Variants in CXADR observed in about 807,000 individuals in gnomAD.
CXADR encodes coxsackievirus and adenovirus receptor.
A neutral mutation model predicts 40.3 loss-of-function variants in CXADR; 20 were observed. That is an observed-to-expected ratio of 0.50 (90% confidence interval 0.35 to 0.72). The LOEUF (loss-of-function observed/expected upper bound fraction) is 0.72. Among genes scored for constraint, CXADR ranks in the 30% least tolerant of loss-of-function variants. CXADR has a pLI of 0.01. For missense variants in CXADR, 332 were observed against 449.1 expected, an observed-to-expected ratio of 0.74 and a Z score of 2.36; for synonymous variants, 150 against 161.3, an observed-to-expected ratio of 0.93 and a Z score of 0.53.
intron 1 of CXADR, among the ~76,000 whole-genome samples, chr21:17,520,016 T>C (rs578041512): frequency 1.4e-4 from 22 of 151,972 alleles, no homozygotes; most frequent in African/African-American, 3.4e-4. Flanking sequence ...CACACACACA[T>C]ATATATATAA....
At chr21:17,608,186 C>G in the CXADR span, among the ~76,000 whole-genome samples, 1 of 152,194 alleles carries the variant, frequency 6.6e-6, no homozygotes, top group South Asian at 2.1e-4. Flanking sequence ...GGTAACACAG[C>G]AAGATCCCAT....
At chr21:17,578,138 A>T (rs2061334958) in intron 7 of CXADR, among the ~76,000 whole-genome samples, 1 of 152,136 alleles carries the variant, frequency 6.6e-6, no homozygotes, top group African/African-American at 2.4e-5. Flanking sequence ...AAATACCAAA[A>T]GATTGATAGG....
chr21:17,615,384 A>G, the CXADR span, among the ~76,000 whole-genome samples: 12 of 152,188 alleles, frequency 7.9e-5, no homozygotes, highest in African/African-American at 2.9e-4. Context: ...TGATGTAAAT[A>G]ATTACAGTAG....
chr21:17,524,427 T>C (rs576060875), intron 1 of CXADR, among the ~76,000 whole-genome samples: 14 of 151,208 alleles, frequency 9.3e-5, no homozygotes, highest in Admixed American at 2.6e-4. Context: ...CTGGGCGTGG[T>C]GGTGTGTGCC....
intron 1 of CXADR, among the ~76,000 whole-genome samples, chr21:17,534,021 T>TATATAGCTATATATATATATATACACAC (rs1319670502): frequency 7.8e-6 from 1 of 128,892 alleles, no homozygotes; most frequent in Non-Finnish European, 1.6e-5. Context: ...TATATATATA[T>TATATAGCTATATATATATATATACACAC]ATATATAGCT....
At chr21:17,558,153 G>T (rs1480925004) in intron 3 of CXADR, among the ~76,000 whole-genome samples, 2 of 151,304 alleles carry the variant, frequency 1.3e-5, no homozygotes, top group Non-Finnish European at 2.9e-5. Flanking sequence ...TTTGATTCAG[G>T]GTCTGGTTCT....
intron 2 of CXADR, among the ~76,000 whole-genome samples, chr21:17,550,028 T>A (rs2060945311): frequency 6.6e-6 from 1 of 152,148 alleles, no homozygotes; most frequent in South Asian, 2.1e-4. Context: ...CAAACTGGTA[T>A]TGAGCGCAAC....
In CXADR at chr21:17,560,698, A is replaced by G. The variant is rs2061105849; in HGVS notation, c.572-4A>G. 2 of 1,611,394 alleles carry G rather than the reference A, an allele frequency of 1.2e-6. No individual in the cohort carries two copies. Among genetic ancestry groups the G allele is most frequent in the South Asian group, 1.1e-5 (1 of 90,984 alleles). ...AGTTTGTTTTCTTTTTCCTCCTTCC[A>G]TAGAAATGACTTCATCTGTTATATC... On this transcript the variant is annotated splice_polypyrimidine_tract_variant and splice_region_variant and intron_variant, in intron 4 of 6. Coordinates refer to ENST00000284878, the MANE Select transcript of CXADR (RefSeq NM_001338.5).
intron 1 of CXADR, among the ~76,000 whole-genome samples, chr21:17,518,134 A>T (rs1487494493): frequency 6.6e-6 from 1 of 151,600 alleles, no homozygotes; most frequent in Admixed American, 6.6e-5. Context: ...AAAGTAACAA[A>T]TGTAAAGATT....
chr21:17,615,033 C>T, the CXADR span, among the ~76,000 whole-genome samples: 4 of 152,196 alleles, frequency 2.6e-5, no homozygotes, highest in Admixed American at 2.0e-4. Context: ...TTGTGTCCCT[C>T]GCAATATTCG....
chr21:17,573,799 C>T (rs531243736), downstream of CXADR, among the ~76,000 whole-genome samples: 12 of 152,218 alleles, frequency 7.9e-5, no homozygotes, highest in South Asian at 2.1e-4. Context: ...CCCAGTTACT[C>T]GGGAGGCTGA....
chr21:17,559,173 G>A (rs1279715465), intron 4 of CXADR, 42 bp downstream of exon 4: 7 of 1,602,338 alleles, frequency 4.4e-6, no homozygotes, highest in Non-Finnish European at 4.3e-6. Flanking sequence ...CCATTGATTT[G>A]GACTAAGATC....
At chr21:17,593,419 T>G (rs2061461252) in exon 8 of CXADR, 2 of 329,446 alleles carry the variant, frequency 6.1e-6, no homozygotes, top group Non-Finnish European at 1.1e-5. Flanking sequence ...GTGACACTGA[T>G]AGTTAAAAGA....
intron 1 of CXADR, among the ~76,000 whole-genome samples, chr21:17,535,201 C>T (rs914668200): frequency 1.4e-4 from 22 of 152,138 alleles, no homozygotes; most frequent in Admixed American, 2.6e-4. Context: ...AGTCATGGCT[C>T]GTTGCAGCCT....
In CXADR at chr21:17,564,194, C is replaced by T. The variant is rs568963757; in HGVS notation, c.834-1234C>T. Among the ~76,000 whole-genome samples the T allele has an allele frequency of 3.7e-4, 55 of 150,682 alleles. No individual in the cohort carries two copies. The South Asian group carries it at 0.011, about 31-fold the overall frequency. ...TACCAAAATCCAAGGATGCTCAAGT[C>T]CCTGATATAAAATGGCGGCCAGGCG... On this transcript the variant is annotated intron_variant, in intron 6 of 6. Transcript: ENST00000284878.
chr21:17,552,057 A>G, intron 3 of CXADR, 104 bp downstream of exon 3: 5 of 853,014 alleles, frequency 5.9e-6, no homozygotes, highest in Non-Finnish European at 9.1e-6. Context: ...ATTTTTTAGA[A>G]TAACAATTTT....
the CXADR span, among the ~76,000 whole-genome samples, chr21:17,610,004 T>G: frequency 2.6e-5 from 4 of 152,214 alleles, no homozygotes; most frequent in Non-Finnish European, 5.9e-5. Flanking sequence ...TTAAAACGAA[T>G]GAGTACTAAT....
chr21:17,538,958 G>A (rs1317489264), intron 1 of CXADR, among the ~76,000 whole-genome samples: 1 of 152,184 alleles, frequency 6.6e-6, no homozygotes, highest in African/African-American at 2.4e-5. Flanking sequence ...ATAGTGGCCT[G>A]GATATAGGTA....
At chr21:17,589,253 C>G (rs887958054) in intron 7 of CXADR, among the ~76,000 whole-genome samples, 11 of 151,948 alleles carry the variant, frequency 7.2e-5, no homozygotes, top group African/African-American at 2.4e-4. Context: ...AGTATGATTA[C>G]AAACATAAAA....
Sources: allele counts gnomAD v4.1 joint callset (sites outside exome capture counted in the v4.1 genomes callset), GRCh38; gene constraint gnomAD v4.1.1; transcripts MANE v1.5; gene names NCBI Gene and HGNC (gene_info 2026-07-23, HGNC 2026-07-21).